STPG2: variants seen among roughly 807,000 people sequenced by gnomAD.
STPG2 encodes sperm tail PG-rich repeat containing 2, also known as sperm-tail PG-rich repeat-containing protein 2.
A neutral mutation model predicts 54.2 loss-of-function variants in STPG2; 56 were observed. The ratio of observed to expected loss-of-function variants is 1.03; its 90% CI spans 0.83 to 1.29. The LOEUF is 1.29. Ranked by LOEUF, STPG2 falls within the 50% of genes most tolerant of loss-of-function variation. STPG2 has a pLI of 0.00. For synonymous variants in STPG2, 200 were observed against 181.8 expected, an observed-to-expected ratio of 1.10 and a Z score of -0.81; for missense variants, 596 against 544.9, an observed-to-expected ratio of 1.09 and a Z score of -0.93.
chr4:97,727,813 TCAA>T (rs1160347513), intron 9 of STPG2, among the ~76,000 whole-genome samples: 1 of 151,872 alleles, frequency 6.6e-6, no homozygotes, highest in African/African-American at 2.4e-5. Flanking sequence ...ATTAGTGTTT[TCAA>T]CATACTAAGT....
intron 9 of STPG2, among the ~76,000 whole-genome samples, chr4:97,759,133 G>A (rs1303525465): frequency 6.6e-6 from 1 of 152,102 alleles, no homozygotes; most frequent in Non-Finnish European, 1.5e-5. Context: ...AAGTTTTATA[G>A]AGGCAGGCAA....
At chr4:97,442,108 G>T (rs961464164) in intron 4 of STPG2, among the ~76,000 whole-genome samples, 4 of 151,694 alleles carry the variant, frequency 2.6e-5, no homozygotes, top group Non-Finnish European at 5.9e-5. Context: ...ATTTTATGTT[G>T]ATGTCCATTA....
In STPG2 at chr4:98,112,456, C is replaced by T. The variant is rs552698376; in HGVS notation, c.388-3151G>A. 2.6e-5 allele frequency among the ~76,000 whole-genome samples: 4 copies of T among 152,210 alleles called. No individual in the cohort carries two copies. In the South Asian group the frequency reaches 6.2e-4, roughly 24 times the overall value. On this transcript the variant is annotated intron_variant, in intron 3 of 10. Transcript: ENST00000295268. Reference sequence around the variant, plus strand: ...TTCACACAATGACAAAATCACCTAACAATGCATTTCTTAGGACGTATCCCT... The same window carrying T: ...TTCACACAATGACAAAATCACCTAATAATGCATTTCTTAGGACGTATCCCT...
intron 8 of STPG2, among the ~76,000 whole-genome samples, chr4:97,925,583 C>T (rs994167340): frequency 6.6e-6 from 1 of 152,026 alleles, no homozygotes. Flanking sequence ...TAACAACAGA[C>T]CAACCAACAA....
chr4:98,075,404 A>G (rs1295809466), intron 5 of STPG2, among the ~76,000 whole-genome samples: 1 of 152,158 alleles, frequency 6.6e-6, no homozygotes, highest in African/African-American at 2.4e-5. Flanking sequence ...ACCCTGTGAA[A>G]CTGCTGGAAG....
chr4:97,564,087 T>C (rs978947371), intron 10 of STPG2, among the ~76,000 whole-genome samples: 6 of 152,214 alleles, frequency 3.9e-5, no homozygotes, highest in African/African-American at 1.4e-4. Context: ...TGTAGGTCAC[T>C]GAGGACTTGC....
chr4:97,487,368 A>G (rs1730394550), intron 4 of STPG2, among the ~76,000 whole-genome samples: 1 of 151,630 alleles, frequency 6.6e-6, no homozygotes, highest in Non-Finnish European at 1.5e-5. Flanking sequence ...ATTACACAAT[A>G]TAACTATCAA....
intron 10 of STPG2, among the ~76,000 whole-genome samples, chr4:97,614,874 T>C (rs1167750182): frequency 1.3e-5 from 2 of 152,162 alleles, no homozygotes; most frequent in Admixed American, 6.6e-5. Flanking sequence ...GCTAAACGAA[T>C]TGAAATGTCT....
intron 10 of STPG2, among the ~76,000 whole-genome samples, chr4:97,636,393 A>AGATCCAAAATT (rs1287566312): frequency 7.1e-6 from 1 of 140,864 alleles, no homozygotes; most frequent in East Asian, 2.1e-4. Context: ...AAAGCAGGAA[A>AGATCCAAAATT]GATCCAAAAT....
intron 10 of STPG2, among the ~76,000 whole-genome samples, chr4:97,672,667 T>C (rs1377289633): frequency 1.3e-5 from 2 of 152,190 alleles, no homozygotes; most frequent in Non-Finnish European, 1.5e-5. Flanking sequence ...TATTAAGATA[T>C]ATAGGGTCAA....
At chr4:97,522,154 A>G (rs2148847688) in intron 4 of STPG2, among the ~76,000 whole-genome samples, 1 of 152,196 alleles carries the variant, frequency 6.6e-6, no homozygotes, top group East Asian at 1.9e-4. Context: ...AATTACAAAT[A>G]TTAAATTAAT....
intron 8 of STPG2, among the ~76,000 whole-genome samples, chr4:97,930,816 T>C (rs1732516784): frequency 6.6e-6 from 1 of 152,152 alleles, no homozygotes; most frequent in African/African-American, 2.4e-5. Context: ...ATGAGCGTGG[T>C]ATGTTTTTCT....
chr4:98,035,968 A>T (rs1736765515), intron 5 of STPG2, among the ~76,000 whole-genome samples: 1 of 152,090 alleles, frequency 6.6e-6, no homozygotes, highest in Non-Finnish European at 1.5e-5. Flanking sequence ...TAGGGGAGGG[A>T]TAGCATTAGG....
chr4:98,062,071 T>A (rs7662391), intron 5 of STPG2, among the ~76,000 whole-genome samples: 59,965 of 151,844 alleles, frequency 0.39, 12,065 homozygotes, highest in Middle Eastern at 0.46. Flanking sequence ...GACAGATTGG[T>A]TAAAGAAAAT....
intron 5 of STPG2, among the ~76,000 whole-genome samples, chr4:98,029,153 G>A (rs1370451951): frequency 6.6e-6 from 1 of 152,168 alleles, no homozygotes; most frequent in African/African-American, 2.4e-5. Context: ...TGCGTATTAT[G>A]CATATTTAAA....
At chr4:97,953,804 G>A (rs1433006691) in intron 7 of STPG2, among the ~76,000 whole-genome samples, 3 of 152,182 alleles carry the variant, frequency 2.0e-5, no homozygotes, top group African/African-American at 4.8e-5. Flanking sequence ...AGTGTGGGCT[G>A]CCAGCCTGCC....
intron 8 of STPG2, among the ~76,000 whole-genome samples, chr4:97,884,538 C>A (rs79764588): frequency 0.015 from 2,303 of 152,112 alleles, 54 homozygotes; most frequent in African/African-American, 0.051. Flanking sequence ...CAATCATGAC[C>A]ACACTTCGCT....
At chr4:97,871,417 A>AG (rs921339846) in intron 8 of STPG2, among the ~76,000 whole-genome samples, 8 of 150,648 alleles carry the variant, frequency 5.3e-5, no homozygotes, top group Admixed American at 5.3e-4. Flanking sequence ...TTTTTTAAAA[A>AG]GGGGGGGAAT....
intron 10 of STPG2, among the ~76,000 whole-genome samples, chr4:97,562,611 T>G (rs1343118745): frequency 6.6e-6 from 1 of 151,984 alleles, no homozygotes; most frequent in Non-Finnish European, 1.5e-5. Flanking sequence ...TTTGAGATAC[T>G]TCCCATCAAT....
Sources: gnomAD v4.1 joint callset for allele counts (sites outside exome capture counted in the v4.1 genomes callset) on GRCh38, gnomAD v4.1.1 for gene constraint, MANE v1.5 for transcripts, NCBI Gene and HGNC (gene_info 2026-07-23, HGNC 2026-07-21) for gene names.